The following ENOX1 variants were observed in gnomAD, a reference collection of about 807,000 sequenced individuals.
The protein encoded by ENOX1 is candidate growth-related and time keeping constitutive hydroquinone (NADH) oxidase.
Under a neutral mutation model 82.5 loss-of-function variants are expected in ENOX1, and 42 were observed. The observed-to-expected ratio is 0.51, with a 90% CI of 0.40 to 0.66. ENOX1 has a LOEUF of 0.66. ENOX1 is among the 30% of genes least tolerant of loss of function. The pLI is 0.00. For missense variants in ENOX1, 608 were observed against 811.6 expected (o/e 0.75, Z 3.05); for synonymous variants, 271 against 282.2 (o/e 0.96, Z 0.40).
At chr13:43,220,787 A>G (rs529669485) in intron 16 of ENOX1, among the ~76,000 whole-genome samples, 2 of 152,314 alleles carry the variant, frequency 1.3e-5, no homozygotes, top group East Asian at 3.9e-4. Context: ...ACTCATTGAT[A>G]TTACTGTGAC....
At chr13:43,684,663 G>A (rs1362080849) in intron 1 of ENOX1, among the ~76,000 whole-genome samples, 1 of 152,146 alleles carries the variant, frequency 6.6e-6, no homozygotes, top group Non-Finnish European at 1.5e-5. Context: ...ACAGAGAACA[G>A]GTAATCTTCA....
chr13:43,453,012 T>C (rs973687277), intron 3 of ENOX1, among the ~76,000 whole-genome samples: 2 of 152,228 alleles, frequency 1.3e-5, no homozygotes, highest in Non-Finnish European at 2.9e-5. Context: ...GAAAGAAACC[T>C]GAACTAAGCA....
intron 1 of ENOX1, among the ~76,000 whole-genome samples, chr13:43,711,827 T>C (rs2087740526): frequency 6.6e-6 from 1 of 150,822 alleles, no homozygotes. Context: ...ATTAGCCCTT[T>C]GTCAGATGAG....
At chr13:43,746,193 GA>G (rs1950011256) in intron 1 of ENOX1, among the ~76,000 whole-genome samples, 1 of 151,878 alleles carries the variant, frequency 6.6e-6, no homozygotes, top group African/African-American at 2.4e-5. Context: ...ACACCAGAAA[GA>G]AAAAGTTTAA....
intron 1 of ENOX1, among the ~76,000 whole-genome samples, chr13:43,761,668 C>T (rs1202896086): frequency 1.3e-5 from 2 of 152,176 alleles, no homozygotes; most frequent in Admixed American, 6.5e-5. Context: ...CCTCCTTCTT[C>T]GCCTCTGCAT....
At chr13:43,697,938 A>G (rs2086718786) in intron 1 of ENOX1, among the ~76,000 whole-genome samples, 1 of 152,222 alleles carries the variant, frequency 6.6e-6, no homozygotes, top group Non-Finnish European at 1.5e-5. Flanking sequence ...CAGATGCTCC[A>G]TCACACCAGA....
At chr13:43,661,246 C>T (rs2084707436) in intron 2 of ENOX1, among the ~76,000 whole-genome samples, 1 of 152,122 alleles carries the variant, frequency 6.6e-6, no homozygotes, top group South Asian at 2.1e-4. Context: ...GACTATATTG[C>T]CTGGAGCAGA....
chr13:43,407,877 A>G (rs1050226753), intron 5 of ENOX1, among the ~76,000 whole-genome samples: 1 of 152,238 alleles, frequency 6.6e-6, no homozygotes, highest in African/African-American at 2.4e-5. Flanking sequence ...AGGCAACAAA[A>G]AAACTTCACA....
intron 2 of ENOX1, among the ~76,000 whole-genome samples, chr13:43,609,441 G>A (rs2082108856): frequency 6.6e-6 from 1 of 152,158 alleles, no homozygotes; most frequent in African/African-American, 2.4e-5. Flanking sequence ...TTGGTACAAT[G>A]AATAATTCTG....
chr13:43,657,242 T>C (rs1348763294), intron 2 of ENOX1, among the ~76,000 whole-genome samples: 2 of 152,232 alleles, frequency 1.3e-5, no homozygotes, highest in African/African-American at 2.4e-5. Flanking sequence ...AATTTATTCA[T>C]AATATAGTCT....
intron 5 of ENOX1, among the ~76,000 whole-genome samples, chr13:43,392,279 T>C (rs1035454928): frequency 9.2e-5 from 14 of 152,198 alleles, no homozygotes; most frequent in African/African-American, 2.9e-4. Context: ...GTCTCCACAA[T>C]CAGAATATGA....
chr13:43,307,489 A>G (rs1027972151), intron 11 of ENOX1, among the ~76,000 whole-genome samples: 1 of 152,096 alleles, frequency 6.6e-6, no homozygotes, highest in Non-Finnish European at 1.5e-5. Context: ...CCAGGTCCCC[A>G]CTTCCTAATG....
intron 2 of ENOX1, among the ~76,000 whole-genome samples, chr13:43,598,826 G>T (rs1411256679): frequency 1.3e-5 from 2 of 151,996 alleles, no homozygotes; most frequent in East Asian, 3.9e-4. Flanking sequence ...GATCCAAGGA[G>T]CAGTTTAACA....
chr13:43,232,642 C>A (rs148754432), intron 15 of ENOX1, among the ~76,000 whole-genome samples: 186 of 152,236 alleles, frequency 1.2e-3, no homozygotes, highest in Non-Finnish European at 2.4e-3. Context: ...ATGTGTATGT[C>A]CTGATCTGCA....
At chr13:43,455,389 G>C (rs2153633779) in intron 3 of ENOX1, among the ~76,000 whole-genome samples, 1 of 152,226 alleles carries the variant, frequency 6.6e-6, no homozygotes, top group Admixed American at 6.5e-5. Flanking sequence ...TGAAGTCTTA[G>C]AGTAAAGAAC....
At chr13:43,400,400 C>T (rs2053427356) in intron 5 of ENOX1, among the ~76,000 whole-genome samples, 1 of 152,210 alleles carries the variant, frequency 6.6e-6, no homozygotes, top group African/African-American at 2.4e-5. Flanking sequence ...CTGGACTTCC[C>T]ATGCAGGATG....
Position 43,413,103 on chromosome 13 carries a change from A to T in ENOX1, c.-74-115T>A, listed in dbSNP as rs1457083365. 3 of 1,079,958 alleles carry T rather than the reference A, an allele frequency of 2.8e-6. No homozygotes were observed. The Admixed American group carries it at 1.1e-4, about 39-fold the overall frequency. 66.9% of individuals were successfully genotyped at this position (1,079,958 alleles called of 1,614,324 possible). On this transcript the variant is annotated intron_variant, in intron 3 of 16. Coordinates refer to ENST00000690772, the MANE Select transcript of ENOX1 (RefSeq NM_001347969.2). ...AAAACAAAGACCGATTTCCAGTCTC[A>T]GGCACAGAAGAAATGCTGCTTCCCA...
intron 2 of ENOX1, among the ~76,000 whole-genome samples, chr13:43,599,132 C>G (rs4941465): frequency 0.99 from 150,830 of 152,182 alleles, 74,765 homozygotes; most frequent in Middle Eastern, 1. Context: ...TTTAATAGAA[C>G]CCTCCACCAA....
intron 12 of ENOX1, among the ~76,000 whole-genome samples, chr13:43,295,736 G>T (rs1260410995): frequency 6.6e-6 from 1 of 152,180 alleles, no homozygotes; most frequent in Admixed American, 6.5e-5. Context: ...TTGAAGGCAG[G>T]TTTTAAAGTC....
Sources: gnomAD v4.1 joint callset for allele counts (sites outside exome capture counted in the v4.1 genomes callset) on GRCh38, gnomAD v4.1.1 for gene constraint, MANE v1.5 for transcripts, NCBI Gene and HGNC (gene_info 2026-07-23, HGNC 2026-07-21) for gene names.